The following DLGAP2 variants were observed in gnomAD, a reference collection of about 807,000 sequenced individuals.
DLGAP2 encodes disks large-associated protein 2.
A neutral mutation model predicts 100.3 loss-of-function variants in DLGAP2; 26 were observed. The ratio of observed to expected loss-of-function variants is 0.26; its 90% confidence interval spans 0.19 to 0.36. The LOEUF is 0.36. Among genes scored for constraint, DLGAP2 ranks in the 10% least tolerant of loss-of-function variants. The pLI is 1.00. For missense variants in DLGAP2, 1,858 were observed against 1,453.2 expected, an observed-to-expected ratio of 1.28 and a Z score of -4.53; for synonymous variants, 886 against 630.1, an observed-to-expected ratio of 1.41 and a Z score of -6.08.
chr8:1,375,184 C>T (rs57483703), intron 3 of DLGAP2, among the ~76,000 whole-genome samples: 1,841 of 65,426 alleles, frequency 0.028, 16 homozygotes, highest in African/African-American at 0.073. Flanking sequence ...GTTAACGACC[C>T]CTCTCCACGG....
intron 1 of DLGAP2, among the ~76,000 whole-genome samples, chr8:906,814 A>C (rs1798390425): frequency 6.6e-6 from 1 of 152,160 alleles, no homozygotes; most frequent in South Asian, 2.1e-4. Flanking sequence ...TTTGCACAGC[A>C]TTTGCTAGGT....
At chr8:1,198,940 C>G (rs1199252385) in intron 2 of DLGAP2, among the ~76,000 whole-genome samples, 1 of 152,234 alleles carries the variant, frequency 6.6e-6, no homozygotes, top group South Asian at 2.1e-4. Context: ...TGGATACAGG[C>G]AGACTGTGCT....
At chr8:1,644,352 T>C (rs2130800098) in intron 8 of DLGAP2, among the ~76,000 whole-genome samples, 1 of 152,326 alleles carries the variant, frequency 6.6e-6, no homozygotes, top group Non-Finnish European at 1.5e-5. Context: ...CAAACCCCAG[T>C]GACCCGGCCC....
intron 2 of DLGAP2, among the ~76,000 whole-genome samples, chr8:1,192,308 A>C (rs1797656761): frequency 6.6e-6 from 1 of 152,228 alleles, no homozygotes; most frequent in Non-Finnish European, 1.5e-5. Flanking sequence ...AAGTGACAAA[A>C]GTATATATTT....
chr8:1,306,274 A>C (rs965778421), intron 3 of DLGAP2, among the ~76,000 whole-genome samples: 6 of 152,158 alleles, frequency 3.9e-5, no homozygotes, highest in African/African-American at 9.7e-5. Context: ...CACAAAAATC[A>C]CTAGTGTTTC....
At chr8:1,678,825 A>G (rs1798875212) in intron 12 of DLGAP2, 196 bp downstream of exon 12, 2 of 573,512 alleles carry the variant, frequency 3.5e-6, no homozygotes, top group Non-Finnish European at 5.4e-6. Flanking sequence ...TCACTACGAT[A>G]TCGAAGGAAA....
At chr8:1,589,736 C>T (rs971430560) in intron 6 of DLGAP2, among the ~76,000 whole-genome samples, 1 of 152,292 alleles carries the variant, frequency 6.6e-6, no homozygotes, top group African/African-American at 2.4e-5. Flanking sequence ...TAAGGGAATA[C>T]GTAGAGACAG....
chr8:1,437,048 G>A (rs1012395160), intron 3 of DLGAP2, among the ~76,000 whole-genome samples: 1 of 151,710 alleles, frequency 6.6e-6, no homozygotes, highest in African/African-American at 2.4e-5. Context: ...GGCGCGTAAG[G>A]GTGACGCCAT....
chr8:1,694,878 C>A (rs541140502), intron 13 of DLGAP2, among the ~76,000 whole-genome samples: 22 of 152,134 alleles, frequency 1.4e-4, no homozygotes, highest in Middle Eastern at 3.4e-3. Context: ...ATTATAAACA[C>A]CTTATCATCT....
chr8:1,701,282 A>T lies in DLGAP2; in HGVS notation c.3044A>T (p.Gln1015Leu), dbSNP rs1799560084. The change falls in exon 15 of 15, where the codon CAA (glutamine) becomes CTA (leucine). Residue 1015 changes from glutamine (Q) to leucine (L), a missense_variant. Transcript: ENST00000637795. ...AAATCCCTGGACCTGCCCGACAGAC[A>T]ACGCCAGGAAGCCCGGAGGCGCCTC... ...REKSLDLPDRQRQEARRRLMA... is the reference protein window; with the variant it reads ...REKSLDLPDRLRQEARRRLMA... 2 of 1,584,814 alleles carry T rather than the reference A, an allele frequency of 1.3e-6. No homozygotes were observed. The highest frequency in any genetic ancestry group is 1.7e-6 in the Non-Finnish European group (2 of 1,166,420).
At chr8:1,377,639 C>T (rs1795989791) in intron 3 of DLGAP2, among the ~76,000 whole-genome samples, 1 of 152,216 alleles carries the variant, frequency 6.6e-6, no homozygotes, top group African/African-American at 2.4e-5. Flanking sequence ...CCTGTCAGAA[C>T]CCAGTGTGCC....
intron 6 of DLGAP2, among the ~76,000 whole-genome samples, chr8:1,617,117 C>CT (rs145801948): frequency 0.048 from 7,364 of 152,276 alleles, 196 homozygotes; most frequent in South Asian, 0.073. Flanking sequence ...ACCACATTTT[C>CT]TTTATCTGTC....
At chr8:1,177,333 A>T (rs769431350) in intron 2 of DLGAP2, among the ~76,000 whole-genome samples, 1 of 152,068 alleles carries the variant, frequency 6.6e-6, no homozygotes, top group Non-Finnish European at 1.5e-5. Context: ...GAGGCATTAT[A>T]TCATAAGCCT....
At chr8:1,237,511 T>G in intron 2 of DLGAP2, among the ~76,000 whole-genome samples, 1 of 130,438 alleles carries the variant, frequency 7.7e-6, no homozygotes, top group Admixed American at 7.8e-5. Flanking sequence ...TCATGTCTAG[T>G]TGTTTCTCAC....
At chr8:1,496,705 A>C (rs4876068) in intron 3 of DLGAP2, among the ~76,000 whole-genome samples, 2 of 151,900 alleles carry the variant, frequency 1.3e-5, no homozygotes, top group Non-Finnish European at 2.9e-5. Flanking sequence ...CTGAAGCTCA[A>C]GGGTGATCAG....
At chr8:1,241,464 T>C (rs1798795263) in intron 2 of DLGAP2, among the ~76,000 whole-genome samples, 1 of 152,214 alleles carries the variant, frequency 6.6e-6, no homozygotes. Context: ...TGACGCGTTA[T>C]TTATTTCTTC....
intron 2 of DLGAP2, among the ~76,000 whole-genome samples, chr8:1,102,819 G>A (rs941001625): frequency 6.6e-6 from 1 of 152,054 alleles, no homozygotes; most frequent in Admixed American, 6.6e-5. Context: ...AGGTGACGGG[G>A]CAGAAAATGT....
chr8:1,541,324 A>C (rs577493060), intron 4 of DLGAP2, among the ~76,000 whole-genome samples: 2 of 152,342 alleles, frequency 1.3e-5, no homozygotes, highest in Non-Finnish European at 2.9e-5. Context: ...AGCATGACTC[A>C]GATTAAAATG....
intron 3 of DLGAP2, among the ~76,000 whole-genome samples, chr8:1,373,980 A>T (rs949465300): frequency 6.6e-6 from 1 of 152,062 alleles, no homozygotes; most frequent in Non-Finnish European, 1.5e-5. Context: ...TTGTAACCCA[A>T]TAGATCACAA....
Sources: gnomAD v4.1 joint callset for allele counts (sites outside exome capture counted in the v4.1 genomes callset) on GRCh38, gnomAD v4.1.1 for gene constraint, MANE v1.5 for transcripts, NCBI Gene and HGNC (gene_info 2026-07-23, HGNC 2026-07-21) for gene names.